Variants in SYNE1 observed in about 807,000 individuals in gnomAD.
SYNE1 encodes the protein spectrin repeat containing nuclear envelope protein 1, also known as nesprin-1.
In SYNE1, 616 loss-of-function variants were observed where a neutral mutation model predicts 1,111.0. The ratio of observed to expected loss-of-function variants is 0.55; its 90% CI spans 0.52 to 0.59. SYNE1 has a LOEUF of 0.59. Among genes scored for constraint, SYNE1 ranks in the 20% least tolerant of loss-of-function variants. SYNE1 has a pLI of 0.00. For synonymous variants in SYNE1, 3,855 were observed against 3,825.8 expected, an observed-to-expected ratio of 1.01 and a Z score of -0.28; for missense variants, 10,006 against 10,417.0, an observed-to-expected ratio of 0.96 and a Z score of 1.72.
intron 55 of SYNE1, among the ~76,000 whole-genome samples, chr6:152,385,085 A>G (rs957672127): frequency 3.3e-5 from 5 of 152,152 alleles, no homozygotes; most frequent in African/African-American, 9.7e-5. Flanking sequence ...TTAATGTTAA[A>G]ATCCATTTTC....
At chr6:152,434,722 G>A (rs1263261154) in intron 33 of SYNE1, 7 of 149,210 alleles carry the variant, frequency 4.7e-5, no homozygotes, top group Non-Finnish European at 1.0e-4. Flanking sequence ...AAAAGACTAA[G>A]AAACTAACAG....
intron 67 of SYNE1, 60 bp from the exon 68 acceptor site, chr6:152,353,804 G>A (rs1029510629): frequency 6.9e-6 from 11 of 1,598,118 alleles, no homozygotes; most frequent in Non-Finnish European, 8.5e-6. Context: ...TAAGCCAAAT[G>A]TATATCTTCT....
At chr6:152,172,653 G>T (rs1017231003) in intron 130 of SYNE1, among the ~76,000 whole-genome samples, 1 of 152,176 alleles carries the variant, frequency 6.6e-6, no homozygotes, top group African/African-American at 2.4e-5. Context: ...TTGCTATGTG[G>T]ATTTTCTGCA....
At chr6:152,433,535 C>A (rs1032064441) in intron 34 of SYNE1, 9 of 495,288 alleles carry the variant, frequency 1.8e-5, no homozygotes, top group Non-Finnish European at 2.9e-5. Flanking sequence ...TTAATGTAAC[C>A]ATAAAAATAT....
Position 152,323,545 on chromosome 6 carries a change from C to G in SYNE1, c.15850G>C (p.Ala5284Pro). Residue 5284 changes from alanine (A) to proline (P), a missense_variant, in exon 82 of 146, where the codon GCC (alanine) becomes CCC (proline). Ala to Pro is a conservative substitution (Grantham distance 27). Coordinates refer to ENST00000367255, the MANE Select transcript of SYNE1 (RefSeq NM_182961.4). Reference sequence around the variant, plus strand: ...GGAGGCTCTTCCCCAGGGGTTGGGGCGGCTCCATCCTGGAGCATGCTCAGG... The same window carrying G: ...GGAGGCTCTTCCCCAGGGGTTGGGGGGGCTCCATCCTGGAGCATGCTCAGG... ...QTLSMLQDGA[A>P]PTPGEEPPLM... The G allele has an allele frequency of 6.2e-7, 1 of 1,614,198 alleles. No homozygotes were observed. The highest frequency in any genetic ancestry group is 8.5e-7 in the Non-Finnish European group (1 of 1,180,038).
At chr6:152,203,890 A>T (rs2075998565) in intron 126 of SYNE1, among the ~76,000 whole-genome samples, 1 of 152,200 alleles carries the variant, frequency 6.6e-6, no homozygotes, top group Admixed American at 6.5e-5. Context: ...AGAGTTGTTC[A>T]AATTCTCCTT....
chr6:152,369,276 A>G (rs990492707), intron 60 of SYNE1, 149 bp from the exon 61 acceptor site: 27 of 1,344,716 alleles, frequency 2.0e-5, no homozygotes, highest in African/African-American at 5.8e-5. Context: ...ACCGTGGAGC[A>G]CAAATCATGG....
At chr6:152,422,915 C>A (rs1220574106) in intron 39 of SYNE1, among the ~76,000 whole-genome samples, 2 of 152,150 alleles carry the variant, frequency 1.3e-5, no homozygotes, top group African/African-American at 2.4e-5. Context: ...TGAAGGAAAT[C>A]AAAATATTTT....
intron 130 of SYNE1, among the ~76,000 whole-genome samples, chr6:152,176,111 CCTAAAATAAAGAATTTTCT>C (rs1242540392): frequency 1.3e-5 from 2 of 151,848 alleles, no homozygotes; most frequent in African/African-American, 4.8e-5. Context: ...CCCATGAAGC[CCTAAAATAAAGAATTTTCT>C]CTTGGGAATT....
At chr6:152,237,108 A>G (rs1442532422) in intron 108 of SYNE1, among the ~76,000 whole-genome samples, 160 bp from the exon 109 acceptor site, 2 of 152,182 alleles carry the variant, frequency 1.3e-5, no homozygotes, top group African/African-American at 2.4e-5. Context: ...GCTTTAAAGC[A>G]AGTAATCAAA....
chr6:152,490,954 A>G (rs1334112670), intron 11 of SYNE1, among the ~76,000 whole-genome samples: 1 of 152,140 alleles, frequency 6.6e-6, no homozygotes, highest in African/African-American at 2.4e-5. Context: ...TTCCAATTCC[A>G]GTTCTTTTTC....
At chr6:152,172,540 T>C (rs1324269932) in intron 130 of SYNE1, among the ~76,000 whole-genome samples, 1 of 152,140 alleles carries the variant, frequency 6.6e-6, no homozygotes, top group African/African-American at 2.4e-5. Context: ...CCTTCCTAGA[T>C]GCTAAGATGA....
chr6:152,221,634 A>T, intron 117 of SYNE1, 75 bp from the exon 118 acceptor site: 1 of 1,582,120 alleles, frequency 6.3e-7, no homozygotes. Context: ...AGGAATTTGT[A>T]TATGTTTTCA....
chr6:152,234,842 C>T (rs1239636392), intron 110 of SYNE1, 42 bp from the exon 111 acceptor site: 3 of 1,608,812 alleles, frequency 1.9e-6, no homozygotes, highest in Non-Finnish European at 2.6e-6. Context: ...AACATTTCAT[C>T]CCTATCTTCT....
chr6:152,347,064 G>A lies in SYNE1; in HGVS notation c.12073C>T (p.Gln4025Ter). The A allele has an allele frequency of 6.2e-7, 1 of 1,614,150 alleles. No homozygotes were observed. Among genetic ancestry groups the A allele is most frequent in the Non-Finnish European group, 8.5e-7 (1 of 1,180,020 alleles). ...AATGTTCTGGGGGCACTCACCCTCTGAGCTGTGCTGCAGATCGCTGAGTAG... is the reference window on the plus strand; with the variant it reads ...AATGTTCTGGGGGCACTCACCCTCTAAGCTGTGCTGCAGATCGCTGAGTAG... ...DSYSAICSTA[Q>*]RMYQSLEHEL... The change falls in exon 73 of 146, where the codon CAG becomes TAG. Residue 4025 changes from glutamine (Q) to a stop codon, truncating the protein, a stop_gained. Transcript: ENST00000367255. LOFTEE classifies it high-confidence loss of function.
At chr6:152,612,229 A>T (rs549408391) in intron 3 of SYNE1, among the ~76,000 whole-genome samples, 2 of 152,210 alleles carry the variant, frequency 1.3e-5, no homozygotes, top group South Asian at 4.2e-4. Context: ...GAAAGGATCA[A>T]CAAAATTGAT....
At chr6:152,538,705 A>T (rs995486943) in intron 4 of SYNE1, among the ~76,000 whole-genome samples, 5 of 152,062 alleles carry the variant, frequency 3.3e-5, no homozygotes, top group African/African-American at 1.2e-4. Flanking sequence ...GACCAACGGA[A>T]GCTTTAAAAA....
At chr6:152,295,609 G>A (rs1487326130) in intron 93 of SYNE1, among the ~76,000 whole-genome samples, 1 of 150,818 alleles carries the variant, frequency 6.6e-6, no homozygotes, top group East Asian at 2.0e-4. Context: ...ATGTGTGTGT[G>A]TTACTGACAC....
chr6:152,387,213 C>T lies in SYNE1; in HGVS notation c.8346G>A (p.Glu2782=). 1 of 1,614,136 alleles carries T rather than the reference C, an allele frequency of 6.2e-7. No individual in the cohort carries two copies. Among genetic ancestry groups the T allele is most frequent in the South Asian group, 1.1e-5 (1 of 91,076 alleles). The change falls in exon 54 of 146, where the codon GAG becomes GAA. Residue 2782 remains glutamate, a synonymous_variant. Transcript: ENST00000367255. ...GAAGGGCTCTCGTGTGATCTTCTGCCTCAGACAGGATGGACTGGAGGTGGT... is the reference window on the plus strand; with the variant it reads ...GAAGGGCTCTCGTGTGATCTTCTGCTTCAGACAGGATGGACTGGAGGTGGT... ...LLDHLQSILS[E]AEDHTRALHR...
Sources: gnomAD v4.1 joint callset for allele counts (sites outside exome capture counted in the v4.1 genomes callset) on GRCh38, gnomAD v4.1.1 for gene constraint, MANE v1.5 for transcripts, NCBI Gene and HGNC (gene_info 2026-07-23, HGNC 2026-07-21) for gene names.